The following EYS variants were observed in gnomAD, a reference collection of about 807,000 sequenced individuals.
EYS encodes the protein protein eyes shut homolog.
EYS carries 250 observed loss-of-function variants against 282.1 expected under a neutral mutation model. That is an observed-to-expected ratio of 0.89 (90% CI 0.80 to 0.98). EYS has a LOEUF of 0.98. Ranked by LOEUF, EYS falls within the 50% of genes least tolerant of loss-of-function variation. The pLI, the probability that EYS is intolerant of heterozygous loss-of-function variation, is 0.00. For missense variants in EYS, 4,016 were observed against 3,709.0 expected, an observed-to-expected ratio of 1.08 and a Z score of -2.15; for synonymous variants, 1,355 against 1,282.9, an observed-to-expected ratio of 1.06 and a Z score of -1.20.
chr6:64,743,152 C>A (rs61259222), intron 22 of EYS, among the ~76,000 whole-genome samples: 5,823 of 151,966 alleles, frequency 0.038, 265 homozygotes, highest in East Asian at 0.15. Flanking sequence ...ATGTGATAAA[C>A]CTAAGTTTAC....
At chr6:65,210,616 T>A (rs1766150321) in intron 12 of EYS, among the ~76,000 whole-genome samples, 1 of 151,962 alleles carries the variant, frequency 6.6e-6, no homozygotes, top group African/African-American at 2.4e-5. Flanking sequence ...GACAGCAGCG[T>A]TGTAAGTACA....
intron 19 of EYS, among the ~76,000 whole-genome samples, chr6:64,875,680 C>A (rs1766728102): frequency 1.3e-5 from 2 of 152,042 alleles, no homozygotes; most frequent in Non-Finnish European, 2.9e-5. Flanking sequence ...TTAAATCATC[C>A]AATAACTATA....
At chr6:64,723,892 G>A (rs761409920) in intron 22 of EYS, among the ~76,000 whole-genome samples, 9 of 152,074 alleles carry the variant, frequency 5.9e-5, no homozygotes, top group African/African-American at 1.2e-4. Context: ...GTGCCTAGTG[G>A]TCAGCAGTCT....
At chr6:64,145,331 A>G (rs550842426) in intron 31 of EYS, among the ~76,000 whole-genome samples, 1 of 152,330 alleles carries the variant, frequency 6.6e-6, no homozygotes, top group South Asian at 2.1e-4. Context: ...ATGCATGGAA[A>G]GAAATGACTT....
At chr6:65,275,599 T>C (rs1184622979) in intron 12 of EYS, among the ~76,000 whole-genome samples, 1 of 152,202 alleles carries the variant, frequency 6.6e-6, no homozygotes, top group Non-Finnish European at 1.5e-5. Flanking sequence ...GGTTGTTCCC[T>C]GCGCTTGGAA....
At chr6:64,526,993 C>T (rs1582854421) in intron 26 of EYS, among the ~76,000 whole-genome samples, 1 of 151,820 alleles carries the variant, frequency 6.6e-6, no homozygotes, top group East Asian at 1.9e-4. Context: ...AGAGCAGATT[C>T]CATACTGTGG....
Position 65,495,331 on chromosome 6 carries a change from T to C in EYS, c.80A>G (p.Gln27Arg). ...SFINGKTCRR[Q>R]LVEEWHPQPS... ...TTGTGGATGCCATTCTTCCACCAAT[T>C]GCCGTCTACATGTTTTTCCATTTAT... The change falls in exon 4 of 43, where the codon CAA (glutamine) becomes CGA (arginine). Residue 27 changes from glutamine to arginine, a missense_variant. Coordinates refer to ENST00000503581, the MANE Select transcript of EYS (RefSeq NM_001142800.2). The C allele has an allele frequency of 6.2e-7, 1 of 1,613,946 alleles. No individual in the cohort carries two copies. The highest frequency in any genetic ancestry group is 1.1e-5 in the South Asian group (1 of 91,086).
At chr6:65,222,062 CT>C (rs1766480795) in intron 12 of EYS, among the ~76,000 whole-genome samples, 1 of 152,108 alleles carries the variant, frequency 6.6e-6, no homozygotes, top group Non-Finnish European at 1.5e-5. Flanking sequence ...AACTAACTTG[CT>C]TTTGATTTTT....
intron 11 of EYS, among the ~76,000 whole-genome samples, chr6:65,297,433 G>A (rs569230485): frequency 1.3e-5 from 2 of 151,992 alleles, no homozygotes; most frequent in South Asian, 4.1e-4. Context: ...ATTAGTTCAA[G>A]CCTTTCTTCT....
At chr6:64,151,355 A>ATATATATAT (rs1774722841) in intron 31 of EYS, among the ~76,000 whole-genome samples, 1 of 90,398 alleles carries the variant, frequency 1.1e-5, no homozygotes, top group African/African-American at 5.0e-5. Flanking sequence ...ATATATATAT[A>ATATATATAT]TATATATAAT....
chr6:64,992,259 T>A (rs996062221), intron 14 of EYS, among the ~76,000 whole-genome samples: 2 of 151,892 alleles, frequency 1.3e-5, no homozygotes, highest in Admixed American at 1.3e-4. Flanking sequence ...AGTAAACTTG[T>A]ATGAATACTA....
chr6:64,459,836 C>T (rs1264934168), intron 26 of EYS, among the ~76,000 whole-genome samples: 1 of 152,106 alleles, frequency 6.6e-6, no homozygotes, highest in African/African-American at 2.4e-5. Context: ...ATGTTAATTT[C>T]CTTTAGCAAT....
At chr6:64,776,574 A>G (rs983141895) in intron 22 of EYS, among the ~76,000 whole-genome samples, 3 of 152,006 alleles carry the variant, frequency 2.0e-5, no homozygotes, top group African/African-American at 7.2e-5. Context: ...CTTTGTGTGT[A>G]GTTATATGAA....
intron 33 of EYS, among the ~76,000 whole-genome samples, chr6:64,001,063 A>G (rs1768076493): frequency 6.6e-6 from 1 of 152,250 alleles, no homozygotes; most frequent in Non-Finnish European, 1.5e-5. Context: ...AGTATTGCTG[A>G]GGCCAGCCTA....
At chr6:64,886,100 T>C (rs943264137) in intron 19 of EYS, among the ~76,000 whole-genome samples, 1 of 151,930 alleles carries the variant, frequency 6.6e-6, no homozygotes, top group African/African-American at 2.4e-5. Flanking sequence ...ATATCATTAA[T>C]ACTAGTATGC....
At chr6:64,945,260 T>C (rs1769247011) in intron 15 of EYS, among the ~76,000 whole-genome samples, 1 of 151,758 alleles carries the variant, frequency 6.6e-6, no homozygotes, top group African/African-American at 2.4e-5. Context: ...GCATAATACA[T>C]AAACACCTAC....
chr6:64,875,576 A>G (rs1268956337), intron 19 of EYS, among the ~76,000 whole-genome samples: 1 of 152,066 alleles, frequency 6.6e-6, no homozygotes, highest in Non-Finnish European at 1.5e-5. Flanking sequence ...TTCTATACAT[A>G]GGAGCCATCC....
rs1765090957 is a variant in EYS at position 63,937,340 on chromosome 6, CTTTTCTTTTTTTTTTTTTTTTTTTTTTTT to C, written c.7055+47014_7055+47042del. Among the ~76,000 whole-genome samples the C allele has an allele frequency of 2.0e-4, 9 of 46,092 alleles. 1 individual carries two copies. The highest frequency in any genetic ancestry group is 7.3e-4 in the South Asian group (1 of 1,374). The allele number at this position is 46,092 out of a possible 152,430, so 30.2% of individuals were successfully genotyped here. On this transcript the variant is annotated intron_variant, in intron 35 of 42. Coordinates refer to ENST00000503581, the MANE Select transcript of EYS (RefSeq NM_001142800.2). The stretch of plus-strand genomic sequence containing the variant: ...AGATCCAAATTTTCTAGGCTTCTCT[CTTTTCTTTTTTTTTTTTTTTTTTTTTTTT>C]TTTTTTTTTTTTTTTTTTTTTTTTT...
chr6:65,212,217 A>C (rs1479446857), intron 12 of EYS, among the ~76,000 whole-genome samples: 1 of 152,114 alleles, frequency 6.6e-6, no homozygotes, highest in Non-Finnish European at 1.5e-5. Context: ...CAATTTGAGT[A>C]CTATACAAGA....
Sources: gnomAD v4.1 joint callset for allele counts (sites outside exome capture counted in the v4.1 genomes callset) on GRCh38, gnomAD v4.1.1 for gene constraint, MANE v1.5 for transcripts, NCBI Gene and HGNC (gene_info 2026-07-23, HGNC 2026-07-21) for gene names.